The following KYNU variants were observed in gnomAD, a reference collection of about 807,000 sequenced individuals.
KYNU encodes the protein L-kynurenine hydrolase.
KYNU carries 54 observed loss-of-function variants against 59.2 expected under a neutral mutation model. The ratio of observed to expected loss-of-function variants is 0.91; its 90% CI spans 0.73 to 1.14. KYNU has a LOEUF of 1.14. Among genes scored for constraint, KYNU ranks in the 50% most tolerant of loss-of-function variants. The pLI is 0.00. For synonymous variants in KYNU, 177 were observed against 192.0 expected, an observed-to-expected ratio of 0.92 and a Z score of 0.65; for missense variants, 567 against 554.4, an observed-to-expected ratio of 1.02 and a Z score of -0.23.
chr2:142,934,183 C>T (rs1053252112), intron 4 of KYNU, among the ~76,000 whole-genome samples: 2 of 152,056 alleles, frequency 1.3e-5, no homozygotes, highest in South Asian at 2.1e-4. Flanking sequence ...GGCTTTAGGC[C>T]TATGCGAGTT....
At chr2:142,905,968 ATCTT>A (rs1321640918) in intron 2 of KYNU, among the ~76,000 whole-genome samples, 9 of 150,914 alleles carry the variant, frequency 6.0e-5, no homozygotes, top group Admixed American at 2.6e-4. Flanking sequence ...TACTACTTCT[ATCTT>A]TCTATTTCTT....
At chr2:143,032,824 T>C (rs1686795914) in intron 11 of KYNU, among the ~76,000 whole-genome samples, 1 of 151,926 alleles carries the variant, frequency 6.6e-6, no homozygotes, top group South Asian at 2.1e-4. Flanking sequence ...TTCATTCATA[T>C]TTCTGCCTTT....
At chr2:142,921,823 TAC>T (rs1682892974) in intron 3 of KYNU, among the ~76,000 whole-genome samples, 1 of 107,790 alleles carries the variant, frequency 9.3e-6, no homozygotes, top group Non-Finnish European at 1.7e-5. Context: ...CATACATACA[TAC>T]ATACATACAT....
rs770963937 is a variant in KYNU at position 142,885,417 on chromosome 2, C to G, written c.50C>G (p.Ala17Gly). Residue 17 changes from alanine (A) to glycine (G), a missense_variant, in exon 2 of 14, where the codon GCG becomes GGG. Transcript: ENST00000264170. ...ELPADTVQRIAAELKCHPTDE... is the reference protein window; with the variant it reads ...ELPADTVQRIGAELKCHPTDE... Reference sequence around the variant, plus strand: ...CCGGCTGACACAGTGCAGCGCATTGCGGCTGAACTCAAATGCCACCCAACG... The same window carrying G: ...CCGGCTGACACAGTGCAGCGCATTGGGGCTGAACTCAAATGCCACCCAACG... 8.7e-6 allele frequency: 14 copies of G among 1,613,684 alleles called. No individual in the cohort carries two copies. Among genetic ancestry groups the G allele is most frequent in the Non-Finnish European group, 1.2e-5 (14 of 1,179,838 alleles).
intron 4 of KYNU, among the ~76,000 whole-genome samples, chr2:142,941,776 T>G (rs1683608670): frequency 6.6e-6 from 1 of 152,192 alleles, no homozygotes; most frequent in Non-Finnish European, 1.5e-5. Flanking sequence ...GGAGCATCTG[T>G]TTCGGTCTTT....
rs1687111283 is a variant in KYNU, at chr2:143,043,470, T to G, written c.*1298T>G. On this transcript the variant is annotated 3_prime_UTR_variant, in exon 14 of 14. Transcript: ENST00000264170. ...TTTGAATGAAATAAACAAACTTAGA[T>G]AAACACTTCGGATGGTAGACGTAAA... 1 of 151,926 alleles carries G rather than the reference T, an allele frequency of 6.6e-6. No individual in the cohort carries two copies. Among genetic ancestry groups the G allele is most frequent in the Non-Finnish European group, 1.5e-5 (1 of 67,926 alleles). The allele number at this position is 151,926 out of a possible 1,614,324, so 9.4% of individuals were successfully genotyped here. A position where few individuals can be genotyped will look rare whatever the true frequency, so the allele number is the denominator to read the frequency against.
At chr2:142,890,101 A>G (rs1681664226) in intron 2 of KYNU, among the ~76,000 whole-genome samples, 2 of 151,910 alleles carry the variant, frequency 1.3e-5, no homozygotes, top group Admixed American at 1.3e-4. Context: ...CCTAAAGAGC[A>G]CAGCTGAAAA....
chr2:142,987,321 TG>T (rs35008823), intron 10 of KYNU, among the ~76,000 whole-genome samples: 7 of 150,400 alleles, frequency 4.7e-5, no homozygotes, highest in South Asian at 4.2e-4. Context: ...GGAGGTGGGG[TG>T]GGGGGGAAGA....
chr2:142,900,350 A>G (rs1030209899), intron 2 of KYNU, among the ~76,000 whole-genome samples: 1 of 152,204 alleles, frequency 6.6e-6, no homozygotes, highest in Admixed American at 6.5e-5. Context: ...AACACGGACC[A>G]AAAGAGTGTG....
chr2:142,880,010 G>C (rs1242515235), intron 1 of KYNU, among the ~76,000 whole-genome samples: 2 of 152,170 alleles, frequency 1.3e-5, no homozygotes. Flanking sequence ...AGAAATGTTT[G>C]TCTAAGTCTT....
intron 2 of KYNU, among the ~76,000 whole-genome samples, chr2:142,892,805 T>C (rs1466787023): frequency 6.6e-6 from 1 of 152,220 alleles, no homozygotes; most frequent in Non-Finnish European, 1.5e-5. Flanking sequence ...TTTTTATTTG[T>C]TTGTTTATCT....
chr2:142,947,339 A>G, intron 4 of KYNU: 2 of 1,034,190 alleles, frequency 1.9e-6, no homozygotes, highest in South Asian at 1.7e-5. Context: ...TCTATTGCAG[A>G]TGGGATTTCC....
At chr2:142,906,078 C>T (rs755916368) in intron 2 of KYNU, among the ~76,000 whole-genome samples, 1 of 150,580 alleles carries the variant, frequency 6.6e-6, no homozygotes, top group Non-Finnish European at 1.5e-5. Context: ...TCCTCTCTGT[C>T]TCTCTCTCTC....
intron 1 of KYNU, among the ~76,000 whole-genome samples, chr2:142,884,368 G>A (rs1009563169): frequency 1.3e-5 from 2 of 152,186 alleles, no homozygotes; most frequent in Non-Finnish European, 2.9e-5. Flanking sequence ...GGTTCAATAT[G>A]TCCATAGTTT....
At chr2:142,922,498 C>T (rs1481472552) in intron 3 of KYNU, among the ~76,000 whole-genome samples, 1 of 151,876 alleles carries the variant, frequency 6.6e-6, no homozygotes, top group African/African-American at 2.4e-5. Flanking sequence ...AGAGTCAGAC[C>T]CAGTCTCAAA....
chr2:143,001,690 T>A (rs1038745494), intron 10 of KYNU, among the ~76,000 whole-genome samples: 1 of 152,204 alleles, frequency 6.6e-6, no homozygotes, highest in Non-Finnish European at 1.5e-5. Context: ...GTGGTCAGTG[T>A]TCCTGATTAT....
chr2:143,005,578 G>C (rs1280633565), intron 10 of KYNU, among the ~76,000 whole-genome samples: 6 of 152,056 alleles, frequency 3.9e-5, no homozygotes, highest in African/African-American at 1.4e-4. Context: ...ATACAAAGTT[G>C]TATGTTTGCA....
intron 8 of KYNU, 115 bp downstream of exon 8, chr2:142,960,885 A>G: frequency 9.8e-7 from 1 of 1,021,904 alleles, no homozygotes; most frequent in Non-Finnish European, 1.4e-6. Flanking sequence ...AACTATTTCA[A>G]AAGTTAAAAA....
intron 4 of KYNU, among the ~76,000 whole-genome samples, chr2:142,933,850 G>A (rs1209819870): frequency 1.3e-5 from 2 of 152,170 alleles, no homozygotes; most frequent in Admixed American, 6.5e-5. Context: ...TGCACCAGGT[G>A]AGCTGATGTG....
Sources: gnomAD v4.1 joint callset for allele counts (sites outside exome capture counted in the v4.1 genomes callset) on GRCh38, gnomAD v4.1.1 for gene constraint, MANE v1.5 for transcripts, NCBI Gene and HGNC (gene_info 2026-07-23, HGNC 2026-07-21) for gene names.